PDE3B: variants seen among roughly 807,000 people sequenced by gnomAD.
PDE3B encodes the protein phosphodiesterase 3B, also known as cGMP-inhibited 3',5'-cyclic phosphodiesterase 3B.
In PDE3B, 66 loss-of-function variants were observed where a neutral mutation model predicts 116.8. The observed-to-expected ratio is 0.56, with a 90% CI of 0.46 to 0.69. PDE3B has a LOEUF of 0.69. Among genes scored for constraint, PDE3B ranks in the 30% least tolerant of loss-of-function variants. The probability of loss-of-function intolerance (pLI) is 0.00; values close to 1 mark genes in which losing one functional copy is unlikely to be tolerated. For synonymous variants in PDE3B, 595 were observed against 533.6 expected, an observed-to-expected ratio of 1.12 and a Z score of -1.59; for missense variants, 1,384 against 1,368.1, an observed-to-expected ratio of 1.01 and a Z score of -0.18.
At chr11:14,821,566 C>T (rs538597975) in intron 7 of PDE3B, among the ~76,000 whole-genome samples, 107 of 152,194 alleles carry the variant, frequency 7.0e-4, no homozygotes, top group African/African-American at 2.6e-3. Context: ...AGATTAACTT[C>T]TATTTTAGAA....
At chr11:14,800,611 G>A (rs955531941) in intron 4 of PDE3B, among the ~76,000 whole-genome samples, 7 of 152,200 alleles carry the variant, frequency 4.6e-5, no homozygotes, top group Admixed American at 2.6e-4. Context: ...TTTCAACTTC[G>A]GTGAATCTGA....
At chr11:14,768,476 T>C (rs777290572) in intron 1 of PDE3B, among the ~76,000 whole-genome samples, 8 of 151,622 alleles carry the variant, frequency 5.3e-5, no homozygotes, top group Non-Finnish European at 7.4e-5. Context: ...TGTATGTATC[T>C]GTCTGTGACT....
chr11:14,857,856 T>G (rs1270293144), intron 12 of PDE3B, among the ~76,000 whole-genome samples: 1 of 152,234 alleles, frequency 6.6e-6, no homozygotes, highest in Non-Finnish European at 1.5e-5. Flanking sequence ...GTTCTCATAG[T>G]TAAGTCCTTG....
At chr11:14,890,818 G>T in the PDE3B span, 1 of 969,832 alleles carries the variant, frequency 1.0e-6, no homozygotes, top group Non-Finnish European at 1.2e-6. Context: ...AAAGTGCTGG[G>T]ATTATAGGCG....
intron 1 of PDE3B, among the ~76,000 whole-genome samples, chr11:14,737,605 C>T (rs1471087441): frequency 6.8e-6 from 1 of 146,000 alleles, no homozygotes; most frequent in Non-Finnish European, 1.5e-5. Flanking sequence ...ATTTGCATAG[C>T]CTAAAATTAA....
intron 1 of PDE3B, among the ~76,000 whole-genome samples, chr11:14,699,700 A>G (rs1051403116): frequency 3.3e-4 from 50 of 151,866 alleles, no homozygotes; most frequent in Non-Finnish European, 4.7e-4. Flanking sequence ...CTTAATATGA[A>G]AAACCTCAAT....
At chr11:14,723,513 G>A (rs1215635805) in intron 1 of PDE3B, among the ~76,000 whole-genome samples, 1 of 152,112 alleles carries the variant, frequency 6.6e-6, no homozygotes, top group East Asian at 1.9e-4. Flanking sequence ...TAGCAATTTT[G>A]GAGGCTAAGG....
intron 1 of PDE3B, among the ~76,000 whole-genome samples, chr11:14,729,448 T>C (rs1565111758): frequency 6.6e-6 from 1 of 152,110 alleles, no homozygotes; most frequent in African/African-American, 2.4e-5. Context: ...ATTTCTTCAA[T>C]GAGATGCTTT....
chr11:14,849,660 A>G (rs1325012193), intron 12 of PDE3B, among the ~76,000 whole-genome samples: 1 of 152,326 alleles, frequency 6.6e-6, no homozygotes, highest in Non-Finnish European at 1.5e-5. Context: ...ACACAACCCC[A>G]TCAACAAGTG....
intron 4 of PDE3B, among the ~76,000 whole-genome samples, chr11:14,789,546 G>A (rs923161745): frequency 7.9e-5 from 12 of 151,982 alleles, no homozygotes; most frequent in African/African-American, 2.9e-4. Flanking sequence ...TAAATCGATA[G>A]AAGTGGCCAT....
At chr11:14,798,887 T>A (rs1457342549) in intron 4 of PDE3B, among the ~76,000 whole-genome samples, 4 of 152,230 alleles carry the variant, frequency 2.6e-5, no homozygotes, top group Admixed American at 2.6e-4. Context: ...AAATAGCTCC[T>A]GAATTCATTG....
chr11:14,824,470 AAC>A (rs1396249886), intron 7 of PDE3B, among the ~76,000 whole-genome samples: 1 of 152,208 alleles, frequency 6.6e-6, no homozygotes, highest in Non-Finnish European at 1.5e-5. Flanking sequence ...AGAGCTGAAA[AAC>A]ACACTACAAG....
chr11:14,787,774 G>C (rs959328126), intron 3 of PDE3B, among the ~76,000 whole-genome samples: 1 of 151,656 alleles, frequency 6.6e-6, no homozygotes, highest in African/African-American at 2.4e-5. Flanking sequence ...AGCATTCAGA[G>C]GGCATAGCAA....
chr11:14,659,829 C>T (rs1160346938), intron 1 of PDE3B, among the ~76,000 whole-genome samples: 2 of 152,060 alleles, frequency 1.3e-5, no homozygotes, highest in African/African-American at 2.4e-5. Flanking sequence ...TTCTGCTTAC[C>T]CTGAATAGAT....
At chr11:14,735,949 A>G (rs1186042297) in intron 1 of PDE3B, among the ~76,000 whole-genome samples, 1 of 139,414 alleles carries the variant, frequency 7.2e-6, no homozygotes, top group East Asian at 2.2e-4. Context: ...ATGTGCTGGG[A>G]ATAATAGGTT....
rs200603776 is a variant in PDE3B at position 14,725,638 on chromosome 11, TTC to T, written c.979-46289_979-46288del. Among the ~76,000 whole-genome samples, 138 of 138,880 alleles carry T rather than the reference TTC, an allele frequency of 9.9e-4. 1 individual carries two copies. The highest frequency in any genetic ancestry group is 3.6e-3 in the African/African-American group (131 of 36,786). The allele number at this position is 138,880 out of a possible 152,430, so 91.1% of individuals were successfully genotyped here. ...TCTCTCCTCTCCTTTCCTTTCCTTT[TTC>T]TCTCTCTCTTTCTTATACTCCATAT... On this transcript the variant is annotated intron_variant, in intron 1 of 15. Coordinates refer to ENST00000282096, the MANE Select transcript of PDE3B (RefSeq NM_000922.4).
chr11:14,777,022 T>C (rs900274602), intron 2 of PDE3B, among the ~76,000 whole-genome samples: 2 of 151,140 alleles, frequency 1.3e-5, no homozygotes, highest in African/African-American at 4.9e-5. Flanking sequence ...TTGAAACAAA[T>C]GGAAAAAGAA....
chr11:14,758,207 C>G (rs887061936), intron 1 of PDE3B, among the ~76,000 whole-genome samples: 4 of 151,956 alleles, frequency 2.6e-5, no homozygotes, highest in Non-Finnish European at 4.4e-5. Flanking sequence ...GTTAGTGTAG[C>G]CTTGTAGTAT....
intron 1 of PDE3B, among the ~76,000 whole-genome samples, chr11:14,736,005 T>C: frequency 6.7e-6 from 1 of 150,328 alleles, no homozygotes; most frequent in Non-Finnish European, 1.5e-5. Context: ...TGACTCCTTA[T>C]TGTTGATTGA....
Sources: allele counts gnomAD v4.1 joint callset (sites outside exome capture counted in the v4.1 genomes callset), GRCh38; gene constraint gnomAD v4.1.1; transcripts MANE v1.5; gene names NCBI Gene and HGNC (gene_info 2026-07-23, HGNC 2026-07-21).